The following FOXP2 variants were observed in gnomAD, a reference collection of about 807,000 sequenced individuals.
The protein encoded by FOXP2 is forkhead box P2.
A neutral mutation model predicts 115.8 loss-of-function variants in FOXP2; 12 were observed. That is an observed-to-expected ratio of 0.10 (90% CI 0.07 to 0.17). The LOEUF is 0.17. Ranked by LOEUF, FOXP2 falls within the 10% of genes least tolerant of loss-of-function variation. The pLI is 1.00. For missense variants in FOXP2, 629 were observed against 843.5 expected (o/e 0.75, Z 3.15); for synonymous variants, 328 against 297.7 (o/e 1.10, Z -1.05).
At position 114,132,604 on chromosome 7, in the gene FOXP2, A is replaced by C. The variant is rs182706148; in HGVS notation, c.-246-30340A>C. 4.1e-3 allele frequency among the ~76,000 whole-genome samples: 607 copies of C among 149,618 alleles called. 5 individuals carry two copies. The highest frequency in any genetic ancestry group is 0.014 in the African/African-American group (583 of 40,616). On this transcript the variant is annotated intron_variant, in intron 1 of 19. Coordinates refer to the FOXP2 transcript ENST00000635638. ...GTGTGAGAGAGAGAGAGAGAGAGAGAGAGAGAGAGAGATGGGGTGGGGTTT... is the reference window on the plus strand; with the variant it reads ...GTGTGAGAGAGAGAGAGAGAGAGAGCGAGAGAGAGAGATGGGGTGGGGTTT...
chr7:114,618,215 A>G (rs1804053100), intron 3 of FOXP2, among the ~76,000 whole-genome samples: 2 of 152,230 alleles, frequency 1.3e-5, no homozygotes, highest in South Asian at 2.1e-4. Flanking sequence ...TGCTGGATGG[A>G]TGAATGACTA....
chr7:114,298,170 A>C (rs1796790667), intron 2 of FOXP2, among the ~76,000 whole-genome samples: 1 of 152,206 alleles, frequency 6.6e-6, no homozygotes. Context: ...TTCCTTTAAC[A>C]ATATATTCTA....
chr7:114,564,853 C>G (rs1002754689), intron 3 of FOXP2, among the ~76,000 whole-genome samples: 2 of 149,012 alleles, frequency 1.3e-5, no homozygotes, highest in African/African-American at 5.0e-5. Flanking sequence ...TGCACTCCAG[C>G]CTTGGCAACA....
chr7:114,157,071 A>C (rs1401500461), intron 1 of FOXP2, among the ~76,000 whole-genome samples: 1 of 152,128 alleles, frequency 6.6e-6, no homozygotes. Context: ...AAGATTAAGA[A>C]GGACTTAACA....
intron 1 of FOXP2, among the ~76,000 whole-genome samples, chr7:114,208,055 G>A (rs56046349): frequency 6.6e-6 from 1 of 152,138 alleles, no homozygotes; most frequent in East Asian, 1.9e-4. Flanking sequence ...CTGTCCTCCA[G>A]ACCCTAGAAT....
At chr7:114,242,752 C>T (rs1217696629) in intron 1 of FOXP2, among the ~76,000 whole-genome samples, 1 of 152,132 alleles carries the variant, frequency 6.6e-6, no homozygotes, top group Non-Finnish European at 1.5e-5. Context: ...AAAGAACAGA[C>T]TCTCCTCTCT....
chr7:114,308,015 C>G (rs1414415837), intron 2 of FOXP2, among the ~76,000 whole-genome samples: 1 of 152,028 alleles, frequency 6.6e-6, no homozygotes, highest in African/African-American at 2.4e-5. Flanking sequence ...TTAATTGTTC[C>G]TCACCTCTCA....
intron 2 of FOXP2, among the ~76,000 whole-genome samples, chr7:114,526,317 A>G (rs954276707): frequency 3.2e-4 from 49 of 151,538 alleles, no homozygotes; most frequent in African/African-American, 1.1e-3. Flanking sequence ...TCTCTACTAA[A>G]AATACAAAAA....
intron 2 of FOXP2, among the ~76,000 whole-genome samples, chr7:114,306,060 A>G (rs890484345): frequency 6.6e-6 from 1 of 152,016 alleles, no homozygotes; most frequent in Non-Finnish European, 1.5e-5. Context: ...TTTCTGTGCT[A>G]CTCCTAATCT....
intron 2 of FOXP2, among the ~76,000 whole-genome samples, chr7:114,484,084 G>C (rs1796670871): frequency 6.6e-6 from 1 of 151,418 alleles, no homozygotes; most frequent in Non-Finnish European, 1.5e-5. Flanking sequence ...ATAAATCTTG[G>C]GTAACAATTT....
chr7:114,171,138 C>T (rs922033352), intron 1 of FOXP2, among the ~76,000 whole-genome samples: 1 of 152,220 alleles, frequency 6.6e-6, no homozygotes, highest in Non-Finnish European at 1.5e-5. Flanking sequence ...GCTAAATCTA[C>T]TCTGTCTTTG....
chr7:114,507,581 T>C (rs1317342828), intron 2 of FOXP2, among the ~76,000 whole-genome samples: 1 of 151,968 alleles, frequency 6.6e-6, no homozygotes, highest in East Asian at 1.9e-4. Context: ...AAGTCATTGC[T>C]TGCTGGCATT....
chr7:114,681,462 G>A (rs1055568171), intron 16 of FOXP2, among the ~76,000 whole-genome samples: 4 of 152,088 alleles, frequency 2.6e-5, no homozygotes, highest in Admixed American at 6.6e-5. Context: ...AAGCCCCAAC[G>A]TGCATAGCAA....
intron 2 of FOXP2, among the ~76,000 whole-genome samples, chr7:114,453,377 A>G (rs1321386754): frequency 6.6e-6 from 1 of 152,074 alleles, no homozygotes; most frequent in Non-Finnish European, 1.5e-5. Context: ...CTATCAGTAC[A>G]ATGTGGATAC....
intron 7 of FOXP2, among the ~76,000 whole-genome samples, chr7:114,643,194 T>G (rs954905576): frequency 3.3e-5 from 5 of 152,156 alleles, no homozygotes; most frequent in African/African-American, 1.2e-4. Flanking sequence ...AGAAATTTAT[T>G]TTTTCATGAG....
At chr7:114,437,363 C>T (rs1245007021) in intron 2 of FOXP2, among the ~76,000 whole-genome samples, 1 of 152,132 alleles carries the variant, frequency 6.6e-6, no homozygotes, top group African/African-American at 2.4e-5. Flanking sequence ...CCAAAGTCTT[C>T]CAAGTGTACA....
intron 1 of FOXP2, among the ~76,000 whole-genome samples, chr7:114,190,478 TC>T (rs1238650354): frequency 1.3e-5 from 2 of 152,178 alleles, no homozygotes; most frequent in Admixed American, 6.5e-5. Context: ...TGCCAGGGGC[TC>T]CCCGTCTTAG....
chr7:114,295,731 T>C (rs182214874), intron 2 of FOXP2, among the ~76,000 whole-genome samples: 4 of 152,334 alleles, frequency 2.6e-5, no homozygotes, highest in Non-Finnish European at 4.4e-5. Context: ...GTGTTGAACC[T>C]GGCACCTGGT....
intron 1 of FOXP2, among the ~76,000 whole-genome samples, chr7:114,240,004 C>A (rs559434459): frequency 4.1e-4 from 63 of 152,264 alleles, no homozygotes; most frequent in African/African-American, 1.5e-3. Context: ...AGCACCTGTG[C>A]ACCTTCAAAG....
Sources: gnomAD v4.1 joint callset for allele counts (sites outside exome capture counted in the v4.1 genomes callset) on GRCh38, gnomAD v4.1.1 for gene constraint, MANE v1.5 for transcripts, NCBI Gene and HGNC (gene_info 2026-07-23, HGNC 2026-07-21) for gene names.